CELF4: variants seen among roughly 807,000 people sequenced by gnomAD.
The protein encoded by CELF4 is CUGBP Elav-like family member 4.
In CELF4, 18 loss-of-function variants were observed where a neutral mutation model predicts 59.9. The ratio of observed to expected loss-of-function variants is 0.30; its 90% CI spans 0.21 to 0.45. The LOEUF is 0.45. Ranked by LOEUF, CELF4 falls within the 20% of genes least tolerant of loss-of-function variation. The pLI is 1.00. For missense variants in CELF4, 456 were observed against 689.0 expected, an observed-to-expected ratio of 0.66 and a Z score of 3.79; for synonymous variants, 261 against 267.1, an observed-to-expected ratio of 0.98 and a Z score of 0.22.
At chr18:37,318,028 G>A (rs970014503) in intron 3 of CELF4, among the ~76,000 whole-genome samples, 4 of 152,092 alleles carry the variant, frequency 2.6e-5, no homozygotes, top group African/African-American at 4.8e-5. Context: ...CAAAGGCCCC[G>A]CATGTTCCCC....
intron 8 of CELF4, 67 bp from the exon 9 acceptor site, chr18:37,266,665 G>A (rs2077733789): frequency 3.0e-6 from 4 of 1,314,856 alleles, no homozygotes; most frequent in African/African-American, 2.9e-5. Flanking sequence ...TCATGCCCAT[G>A]GGGACAATGA....
At chr18:37,477,277 T>C (rs941110210) in intron 2 of CELF4, among the ~76,000 whole-genome samples, 7 of 152,144 alleles carry the variant, frequency 4.6e-5, no homozygotes, top group African/African-American at 1.7e-4. Flanking sequence ...TGGGGACGGA[T>C]TGGAAAGCTC....
At chr18:37,513,328 A>G (rs1786809) in intron 1 of CELF4, among the ~76,000 whole-genome samples, 133,109 of 152,216 alleles carry the variant, frequency 0.87, 58,868 homozygotes, top group East Asian at 0.96. Context: ...TTCAATCCAT[A>G]TCTGTCATCT....
chr18:37,565,111 C>A (rs1473686071), intron 1 of CELF4, among the ~76,000 whole-genome samples: 1 of 152,136 alleles, frequency 6.6e-6, no homozygotes, highest in Non-Finnish European at 1.5e-5. Flanking sequence ...TTCTCTTCAT[C>A]GGCGCCCGCT....
At chr18:37,500,826 A>G (rs374305165) in intron 1 of CELF4, among the ~76,000 whole-genome samples, 1 of 151,850 alleles carries the variant, frequency 6.6e-6, no homozygotes, top group East Asian at 1.9e-4. Context: ...GAGCCACCAC[A>G]CCTGGTCATT....
chr18:37,275,311 G>A, intron 3 of CELF4, 68 bp from the exon 4 acceptor site: 1 of 1,561,748 alleles, frequency 6.4e-7, no homozygotes. Context: ...GGCAAGGCCG[G>A]AGGGGGAGAG....
At chr18:37,539,478 C>A (rs982907069) in intron 1 of CELF4, among the ~76,000 whole-genome samples, 2 of 147,950 alleles carry the variant, frequency 1.4e-5, no homozygotes, top group African/African-American at 2.6e-5. Context: ...CACAAACACA[C>A]ACACACACAC....
intron 1 of CELF4, among the ~76,000 whole-genome samples, chr18:37,547,035 A>G (rs1389126595): frequency 6.6e-6 from 1 of 152,202 alleles, no homozygotes; most frequent in Non-Finnish European, 1.5e-5. Context: ...GATGGAGGAA[A>G]CAGAGAAGTC....
At position 37,444,324 on chromosome 18, in the gene CELF4, C is replaced by T. The variant is rs117779572; in HGVS notation, c.369+41201G>A. 8.6e-3 allele frequency among the ~76,000 whole-genome samples: 1,304 copies of T among 152,048 alleles called. 11 individuals are homozygous for T. The highest frequency in any genetic ancestry group is 0.02 in the Middle Eastern group (6 of 294). On this transcript the variant is annotated intron_variant, in intron 2 of 12. Coordinates refer to ENST00000420428, the MANE Select transcript of CELF4 (RefSeq NM_020180.4). ...GACTGCAGCTCAGGAGTCCAGAGCC[C>T]GAGATAGGTCTGGAGACACTGTAGG... is the stretch of plus-strand genomic sequence containing the variant.
intron 1 of CELF4, among the ~76,000 whole-genome samples, chr18:37,554,728 G>A (rs1369117424): frequency 1.3e-5 from 2 of 152,154 alleles, no homozygotes; most frequent in African/African-American, 2.4e-5. Flanking sequence ...CCCAGACACG[G>A]GGGTTCTCTC....
At chr18:37,282,774 C>T (rs370408776) in intron 3 of CELF4, among the ~76,000 whole-genome samples, 7 of 152,290 alleles carry the variant, frequency 4.6e-5, no homozygotes, top group African/African-American at 1.4e-4. Flanking sequence ...GCTGGCCATC[C>T]TCCCAAGAGC....
intron 3 of CELF4, among the ~76,000 whole-genome samples, chr18:37,286,284 A>G (rs1006970005): frequency 3.3e-5 from 5 of 152,238 alleles, no homozygotes; most frequent in Admixed American, 6.5e-5. Flanking sequence ...TCTATTAACC[A>G]TGGAGCGGGG....
chr18:37,312,638 G>A (rs1408317199), intron 3 of CELF4, among the ~76,000 whole-genome samples: 1 of 152,174 alleles, frequency 6.6e-6, no homozygotes, highest in Non-Finnish European at 1.5e-5. Context: ...GGCATGGAGA[G>A]GAGACTGAAA....
At chr18:37,341,291 C>T (rs577746554) in intron 2 of CELF4, among the ~76,000 whole-genome samples, 4 of 152,304 alleles carry the variant, frequency 2.6e-5, no homozygotes, top group African/African-American at 9.6e-5. Context: ...GAGGGGCAGA[C>T]TGGGAGGAAA....
intron 2 of CELF4, among the ~76,000 whole-genome samples, chr18:37,357,707 G>T (rs2098620544): frequency 6.6e-6 from 1 of 152,350 alleles, no homozygotes; most frequent in Middle Eastern, 3.4e-3. Context: ...GCAGCTGGAA[G>T]GGAGGCTGTA....
At chr18:37,449,364 C>T (rs558975369) in intron 2 of CELF4, among the ~76,000 whole-genome samples, 2 of 152,202 alleles carry the variant, frequency 1.3e-5, no homozygotes, top group East Asian at 3.9e-4. Flanking sequence ...GCGTGCAGCC[C>T]AGGGAAAGGG....
intron 2 of CELF4, among the ~76,000 whole-genome samples, chr18:37,457,447 C>G (rs1333733714): frequency 6.6e-6 from 1 of 152,112 alleles, no homozygotes; most frequent in South Asian, 2.1e-4. Flanking sequence ...GTGTGCAGAA[C>G]TTGGAGAGAG....
intron 2 of CELF4, among the ~76,000 whole-genome samples, chr18:37,356,104 A>G (rs1419300990): frequency 6.6e-6 from 1 of 152,156 alleles, no homozygotes; most frequent in Admixed American, 6.5e-5. Context: ...GATTCAGGTG[A>G]CAGTCCAGTG....
At chr18:37,312,401 C>T (rs767217710) in intron 3 of CELF4, among the ~76,000 whole-genome samples, 33 of 152,196 alleles carry the variant, frequency 2.2e-4, no homozygotes, top group Non-Finnish European at 4.3e-4. Flanking sequence ...TGTCTGAGCA[C>T]CACGGACTGC....
Sources: allele counts gnomAD v4.1 joint callset (sites outside exome capture counted in the v4.1 genomes callset), GRCh38; gene constraint gnomAD v4.1.1; transcripts MANE v1.5; gene names NCBI Gene and HGNC (gene_info 2026-07-23, HGNC 2026-07-21).